Variants in DMD observed in about 807,000 individuals in gnomAD.
The protein encoded by DMD is dystrophin.
In DMD, 63 loss-of-function variants were observed where a neutral mutation model predicts 330.1. The ratio of observed to expected loss-of-function variants is 0.19; its 90% CI spans 0.16 to 0.24. DMD has a LOEUF of 0.24. Ranked by LOEUF, DMD falls within the 10% of genes least tolerant of loss-of-function variation. DMD has a pLI of 1.00. For synonymous variants in DMD, 1,223 were observed against 959.8 expected, an observed-to-expected ratio of 1.27 and a Z score of -5.07; for missense variants, 3,344 against 2,684.1, an observed-to-expected ratio of 1.25 and a Z score of -5.43.
chrX:32,033,596 AGAC>A (rs1569534620), intron 44 of DMD, among the ~76,000 whole-genome samples: 33 of 45,438 alleles, frequency 7.3e-4, no homozygotes, highest in African/African-American at 2.7e-3. Context: ...CAAGACAGAC[AGAC>A]AGACAGAAAG....
At chrX:32,025,536 T>A (rs780678730) in intron 44 of DMD, among the ~76,000 whole-genome samples, 1 of 112,168 alleles carries the variant, frequency 8.9e-6, no homozygotes, top group African/African-American at 3.2e-5. Flanking sequence ...TAGGACATTT[T>A]GTTACATGGA....
chrX:31,231,305 ATATT>A (rs1414457444), intron 63 of DMD, among the ~76,000 whole-genome samples: 5 of 110,703 alleles, frequency 4.5e-5, no homozygotes, highest in Middle Eastern at 4.7e-3. Context: ...TACAAATGAC[ATATT>A]TAAATACATA....
chrX:33,101,502 A>G (rs886636652), intron 1 of DMD, among the ~76,000 whole-genome samples: 9 of 111,894 alleles, frequency 8.0e-5, no homozygotes, highest in African/African-American at 2.6e-4. Flanking sequence ...GTGGTGGCAC[A>G]TGCCTGTAGT....
intron 48 of DMD, among the ~76,000 whole-genome samples, chrX:31,855,373 C>T (rs1172800975): frequency 8.9e-6 from 1 of 111,966 alleles, no homozygotes; most frequent in Non-Finnish European, 1.9e-5. Flanking sequence ...GTGATATTTG[C>T]ATTATTTTAA....
chrX:31,278,294 G>A (rs1039493162), intron 62 of DMD, among the ~76,000 whole-genome samples: 7 of 111,646 alleles, frequency 6.3e-5, no homozygotes, highest in Admixed American at 9.5e-5. Flanking sequence ...TCTAGACTAG[G>A]ATTTGGAAAG....
chrX:31,895,802 T>C (rs147336133), intron 47 of DMD, among the ~76,000 whole-genome samples: 4,428 of 111,788 alleles, frequency 0.04, 85 homozygotes, highest in Non-Finnish European at 0.064. Flanking sequence ...CTATTTCATC[T>C]GCACATTGCC....
At chrX:32,703,805 G>C (rs1234912592) in intron 7 of DMD, among the ~76,000 whole-genome samples, 1 of 111,549 alleles carries the variant, frequency 9.0e-6, no homozygotes, top group East Asian at 2.8e-4. Context: ...TAAAGTATTT[G>C]AGGAGTATGA....
intron 78 of DMD, among the ~76,000 whole-genome samples, chrX:31,124,317 T>C (rs2033299647): frequency 1.8e-5 from 2 of 112,062 alleles, no homozygotes; most frequent in South Asian, 7.5e-4. Context: ...AGTTTTTCAT[T>C]AGATCCAGAA....
At chrX:31,494,132 G>C (rs1045172164) in intron 57 of DMD, among the ~76,000 whole-genome samples, 1 of 101,599 alleles carries the variant, frequency 9.8e-6, no homozygotes, top group Non-Finnish European at 2.0e-5. Flanking sequence ...ACTCCAGCCT[G>C]GTGACAGAGC....
At chrX:31,349,885 C>A (rs976904413) in intron 60 of DMD, among the ~76,000 whole-genome samples, 2 of 111,258 alleles carry the variant, frequency 1.8e-5, no homozygotes, top group African/African-American at 6.5e-5. Context: ...AGGTAAAAAT[C>A]GATGTTAATC....
At chrX:32,578,282 A>G (rs752008875) in intron 13 of DMD, among the ~76,000 whole-genome samples, 2 of 112,558 alleles carry the variant, frequency 1.8e-5, no homozygotes, top group Non-Finnish European at 3.7e-5. Context: ...GCAATAATGC[A>G]TATTTTTATA....
intron 60 of DMD, among the ~76,000 whole-genome samples, chrX:31,375,323 G>A (rs1159689248): frequency 1.8e-5 from 2 of 111,524 alleles, no homozygotes; most frequent in African/African-American, 3.3e-5. Context: ...TTTCCTCTGC[G>A]CAGTCATGCC....
intron 51 of DMD, among the ~76,000 whole-genome samples, chrX:31,752,300 G>A (rs2088644867): frequency 9.0e-6 from 1 of 111,683 alleles, no homozygotes; most frequent in African/African-American, 3.3e-5. Context: ...CTTAGCATGA[G>A]AAGCTGTTTG....
At chrX:32,573,144 C>T (rs1285135010) in intron 15 of DMD, among the ~76,000 whole-genome samples, 1 of 111,473 alleles carries the variant, frequency 9.0e-6, no homozygotes, top group Non-Finnish European at 1.9e-5. Flanking sequence ...GGTTAAACTC[C>T]ATCAATGTCA....
At position 32,964,551 on chromosome X, in the gene DMD, T is replaced by C. The variant is rs376736349; in HGVS notation, c.93+55588A>G. Among the ~76,000 whole-genome samples, 36 of 108,993 alleles carry C rather than the reference T, an allele frequency of 3.3e-4. No individual in the cohort carries two copies. The South Asian group carries it at 0.012, about 36-fold the overall frequency. 94.6% of individuals were successfully genotyped at this position (108,993 alleles called of 115,157 possible). On this transcript the variant is annotated intron_variant, in intron 2 of 78. Coordinates refer to ENST00000357033, the MANE Select transcript of DMD (RefSeq NM_004006.3). ...GGCAGAATCCCATCTCTACTAAAAA[T>C]ACAAAAATTAGCCGGGCGTGGTGGC...
intron 2 of DMD, among the ~76,000 whole-genome samples, chrX:33,002,987 A>T (rs1214468725): frequency 2.7e-5 from 3 of 110,317 alleles, no homozygotes; most frequent in African/African-American, 9.9e-5. Flanking sequence ...AATTTTTCAA[A>T]ATTTTAAATT....
At chrX:32,742,328 T>A (rs1174575212) in intron 7 of DMD, among the ~76,000 whole-genome samples, 1 of 112,055 alleles carries the variant, frequency 8.9e-6, no homozygotes, top group African/African-American at 3.2e-5. Context: ...TCGTGCCCAC[T>A]GGGATGTGAA....
At chrX:31,634,109 T>C (rs2079275429) in intron 54 of DMD, among the ~76,000 whole-genome samples, 1 of 112,752 alleles carries the variant, frequency 8.9e-6, no homozygotes, top group African/African-American at 3.2e-5. Flanking sequence ...TATTGCCATA[T>C]GCAGGGTCGT....
At chrX:31,186,778 A>C (rs189389477) in intron 67 of DMD, among the ~76,000 whole-genome samples, 1 of 112,984 alleles carries the variant, frequency 8.9e-6, no homozygotes, top group East Asian at 2.8e-4. Flanking sequence ...ATGCAAGTCC[A>C]TTCATCCTTT....
Sources: allele counts gnomAD v4.1 joint callset (sites outside exome capture counted in the v4.1 genomes callset), GRCh38; gene constraint gnomAD v4.1.1; transcripts MANE v1.5; gene names NCBI Gene and HGNC (gene_info 2026-07-23, HGNC 2026-07-21).